Variants in BUB1B observed in about 807,000 individuals in gnomAD.
The protein encoded by BUB1B is BUB1 mitotic checkpoint serine/threonine kinase B.
A neutral mutation model predicts 137.7 loss-of-function variants in BUB1B; 86 were observed. The observed-to-expected ratio is 0.62, with a 90% CI of 0.52 to 0.75. The LOEUF (loss-of-function observed/expected upper bound fraction) is 0.75. BUB1B is among the 30% of genes least tolerant of loss of function. The pLI is 0.00. For missense variants in BUB1B, 1,130 were observed against 1,236.9 expected, an observed-to-expected ratio of 0.91 and a Z score of 1.30; for synonymous variants, 420 against 417.9, an observed-to-expected ratio of 1.00 and a Z score of -0.06.
At chr15:40,213,213 G>T (rs998377374) in intron 19 of BUB1B, 119 bp from the exon 20 acceptor site, 2 of 1,021,692 alleles carry the variant, frequency 2.0e-6, no homozygotes, top group Non-Finnish European at 3.0e-6. Flanking sequence ...GTCTACAGAG[G>T]TGCCTACGTT....
chr15:40,203,968 A>G (rs1002192887), intron 14 of BUB1B, among the ~76,000 whole-genome samples: 3 of 152,224 alleles, frequency 2.0e-5, no homozygotes, highest in Non-Finnish European at 2.9e-5. Context: ...ATCCTAGGGA[A>G]TCATTTGGAG....
intron 14 of BUB1B, among the ~76,000 whole-genome samples, chr15:40,203,361 T>C (rs1242342038): frequency 6.6e-6 from 1 of 152,194 alleles, no homozygotes; most frequent in African/African-American, 2.4e-5. Flanking sequence ...AAAAGTGTCA[T>C]GGATTGAGGT....
chr15:40,196,523 A>G, intron 8 of BUB1B, 22 bp from the exon 9 acceptor site: 1 of 1,573,368 alleles, frequency 6.4e-7, no homozygotes, highest in Non-Finnish European at 8.7e-7. Context: ...CCATATGAAT[A>G]ATAGTAATTT....
rs760788865 is a variant in BUB1B at position 40,202,632 on chromosome 15, C to T, written c.1672C>T (p.Leu558Phe). ...ACGAGTTTTAGCTCAACGAAGACCC[C>T]TTGCAGTTCTCAAAACCTCAGAAAG... Reference protein sequence around the residue: ...PPRVLAQRRPLAVLKTSESIT... With the variant: ...PPRVLAQRRPFAVLKTSESIT... Residue 558 changes from leucine to phenylalanine, a missense_variant, in exon 14 of 23, where the codon CTT becomes TTT. Leu to Phe is a conservative substitution (Grantham distance 22). Transcript: ENST00000287598. 6.2e-7 allele frequency: 1 copy of T among 1,614,110 alleles called. No homozygotes were observed. The highest frequency in any genetic ancestry group is 2.2e-5 in the East Asian group (1 of 44,870).
In BUB1B at chr15:40,202,712, T is replaced by C. The variant is rs185839024; in HGVS notation, c.1734+18T>C. The C allele has an allele frequency of 4.0e-5, 64 of 1,587,648 alleles. No homozygotes were observed. The African/African-American group carries it at 8.5e-4, about 21-fold the overall frequency. On this transcript the variant is annotated intron_variant, in intron 14 of 22. Transcript: ENST00000287598. ...ATGTTTGTGTAAGGAGCAGTATCCTTAAGTTAATGTAAATGGGCTAGTGGA... is the reference window on the plus strand; with the variant it reads ...ATGTTTGTGTAAGGAGCAGTATCCTCAAGTTAATGTAAATGGGCTAGTGGA...
intron 15 of BUB1B, among the ~76,000 whole-genome samples, chr15:40,207,105 T>TG (rs1228361351): frequency 1.3e-5 from 2 of 152,190 alleles, no homozygotes; most frequent in Admixed American, 6.5e-5. Context: ...CCACTGTGCC[T>TG]GGCCAGCTTA....
chr15:40,186,430 C>CTTTTTTTTTTTTTTTTTTT (rs769074759), intron 8 of BUB1B, among the ~76,000 whole-genome samples: 1 of 67,356 alleles, frequency 1.5e-5, no homozygotes, highest in Admixed American at 2.4e-4. Context: ...TTGCCTAGTT[C>CTTTTTTTTTTTTTTTTTTT]TTTTTTTTTT....
At chr15:40,210,802 A>AT (rs900561886) in intron 18 of BUB1B, among the ~76,000 whole-genome samples, 2 of 151,940 alleles carry the variant, frequency 1.3e-5, no homozygotes, top group Non-Finnish European at 2.9e-5. Flanking sequence ...TTGCTTTTGA[A>AT]TTTTTTTGCC....
At chr15:40,169,861 A>T (rs1175324727) in intron 2 of BUB1B, among the ~76,000 whole-genome samples, 1 of 151,636 alleles carries the variant, frequency 6.6e-6, no homozygotes, top group African/African-American at 2.4e-5. Context: ...GATCCACCCC[A>T]CTTGGCCTCC....
intron 8 of BUB1B, 117 bp downstream of exon 8, chr15:40,185,759 G>A (rs1042936430): frequency 7.4e-6 from 7 of 952,104 alleles, no homozygotes; most frequent in Admixed American, 1.9e-5. Flanking sequence ...CAGGCCAGGC[G>A]CAGTAGCTCA....
At chr15:40,213,898 A>G (rs1185964699) in intron 20 of BUB1B, among the ~76,000 whole-genome samples, 1 of 152,248 alleles carries the variant, frequency 6.6e-6, no homozygotes, top group Non-Finnish European at 1.5e-5. Flanking sequence ...TTATGTTAAG[A>G]GAGTATTTAC....
At chr15:40,194,430 A>C (rs2037474157) in intron 8 of BUB1B, among the ~76,000 whole-genome samples, 1 of 152,210 alleles carries the variant, frequency 6.6e-6, no homozygotes, top group South Asian at 2.1e-4. Flanking sequence ...GGGGGAAAGC[A>C]TCTAGCCTTT....
At chr15:40,216,562 T>G (rs1254839232) in intron 20 of BUB1B, among the ~76,000 whole-genome samples, 2 of 79,188 alleles carry the variant, frequency 2.5e-5, no homozygotes, top group Non-Finnish European at 4.7e-5. Context: ...TATATATATA[T>G]ATATATATAT....
chr15:40,208,990 G>T (rs2037674511), intron 16 of BUB1B, among the ~76,000 whole-genome samples: 1 of 151,988 alleles, frequency 6.6e-6, no homozygotes. Context: ...TGTATTTTTT[G>T]TAGAGGTGGG....
In BUB1B at chr15:40,220,972, A is replaced by G. The variant is rs1213171916; in HGVS notation, c.*213A>G. 6.7e-6 allele frequency: 4 copies of G among 599,322 alleles called. No individual in the cohort carries two copies. Among genetic ancestry groups the G allele is most frequent in the Middle Eastern group, 4.5e-4 (1 of 2,218 alleles). 37.1% of individuals were successfully genotyped at this position (599,322 alleles called of 1,614,324 possible). A position where few individuals can be genotyped will look rare whatever the true frequency, so the allele number is the denominator to read the frequency against. On this transcript the variant is annotated 3_prime_UTR_variant, in exon 23 of 23. Transcript: ENST00000287598. ...CCTTGTCTAACTTTTGTGAAGAACT[A>G]TTTTATTCTAAACAGACTCATTACA...
chr15:40,181,472 C>T (rs959410215), intron 5 of BUB1B, among the ~76,000 whole-genome samples: 2 of 149,272 alleles, frequency 1.3e-5, no homozygotes, highest in Admixed American at 6.8e-5. Flanking sequence ...CAAAATTTGA[C>T]AAGTTTTCAG....
intron 22 of BUB1B, among the ~76,000 whole-genome samples, chr15:40,219,262 A>G (rs2037852364): frequency 6.6e-6 from 1 of 152,162 alleles, no homozygotes; most frequent in Admixed American, 6.5e-5. Flanking sequence ...CATCCTTTGA[A>G]AAGACTTACA....
Sources: gnomAD v4.1 joint callset for allele counts (sites outside exome capture counted in the v4.1 genomes callset) on GRCh38, gnomAD v4.1.1 for gene constraint, MANE v1.5 for transcripts, NCBI Gene and HGNC (gene_info 2026-07-23, HGNC 2026-07-21) for gene names.